Variants in THSD7A observed in about 807,000 individuals in gnomAD.
THSD7A encodes the protein thrombospondin type-1 domain-containing protein 7A.
Under a neutral mutation model 231.3 loss-of-function variants are expected in THSD7A, and 96 were observed. That is an observed-to-expected ratio of 0.41 (90% CI 0.35 to 0.49). The LOEUF (loss-of-function observed/expected upper bound fraction) is 0.49. THSD7A is among the 20% of genes least tolerant of loss of function. The probability of loss-of-function intolerance (pLI) is 0.05; values close to 1 mark genes in which losing one functional copy is unlikely to be tolerated. For synonymous variants in THSD7A, 940 were observed against 743.3 expected, an observed-to-expected ratio of 1.26 and a Z score of -4.30; for missense variants, 2,290 against 2,070.2, an observed-to-expected ratio of 1.11 and a Z score of -2.06.
At position 11,590,380 on chromosome 7, in the gene THSD7A, C is replaced by T. The variant is rs1471286147; in HGVS notation, c.1453+80G>A. ...AATGCAGCCCTCATAACCTGGATGG[C>T]TGTGTATATATCCCTTCAGAGCAAT... On this transcript the variant is annotated intron_variant, in intron 4 of 27. Coordinates refer to ENST00000423059, the MANE Select transcript of THSD7A (RefSeq NM_015204.3). This position sits in a 1 kb window ranked among gnomAD's most constrained non-coding sequence, Gnocchi z 4.4. 2.5e-5 allele frequency: 36 copies of T among 1,438,636 alleles called. No individual in the cohort carries two copies. Among genetic ancestry groups the T allele is most frequent in the Non-Finnish European group, 3.3e-5 (35 of 1,066,912 alleles). The allele number at this position is 1,438,636 out of a possible 1,614,324, so 89.1% of individuals were successfully genotyped here. A position where few individuals can be genotyped will look rare whatever the true frequency, so the allele number is the denominator to read the frequency against.
chr7:11,563,588 T>A (rs1206521975), intron 4 of THSD7A, among the ~76,000 whole-genome samples: 2 of 152,004 alleles, frequency 1.3e-5, no homozygotes, highest in Non-Finnish European at 2.9e-5. Context: ...TTTCAAACTC[T>A]TGACCTCAGG....
intron 1 of THSD7A, among the ~76,000 whole-genome samples, chr7:11,816,638 T>TA (rs1784712221): frequency 6.6e-6 from 1 of 152,214 alleles, no homozygotes; most frequent in Non-Finnish European, 1.5e-5. Flanking sequence ...CAAGGACTTT[T>TA]ATAATAGCTT....
At chr7:11,516,660 T>C (rs1788042646) in intron 6 of THSD7A, among the ~76,000 whole-genome samples, 1 of 152,210 alleles carries the variant, frequency 6.6e-6, no homozygotes, top group East Asian at 1.9e-4. Flanking sequence ...AAATTTGCTA[T>C]TTGCTAACAA....
intron 2 of THSD7A, among the ~76,000 whole-genome samples, chr7:11,625,475 C>T (rs1781446402): frequency 6.6e-6 from 1 of 151,970 alleles, no homozygotes; most frequent in Admixed American, 6.6e-5. Flanking sequence ...TCAGTGACCA[C>T]ATATTTGTAC....
intron 6 of THSD7A, among the ~76,000 whole-genome samples, chr7:11,517,171 C>T (rs1340547063): frequency 5.9e-5 from 9 of 152,200 alleles, no homozygotes; most frequent in Admixed American, 3.3e-4. Context: ...CTCCACCTCC[C>T]GGGTTCATGC....
intron 1 of THSD7A, among the ~76,000 whole-genome samples, chr7:11,663,337 T>C (rs2128374232): frequency 6.6e-6 from 1 of 151,628 alleles, no homozygotes; most frequent in East Asian, 1.9e-4. Flanking sequence ...AACTTTAATG[T>C]TCCTCCGTCT....
chr7:11,680,749 AGTGGGT>A (rs1455631973), intron 1 of THSD7A, among the ~76,000 whole-genome samples: 46 of 152,172 alleles, frequency 3.0e-4, no homozygotes, highest in Admixed American at 1.4e-3. Context: ...TTACAGTGTC[AGTGGGT>A]GTGTAAATTA....
At chr7:11,530,712 C>G (rs1038595421) in intron 6 of THSD7A, among the ~76,000 whole-genome samples, 1 of 152,078 alleles carries the variant, frequency 6.6e-6, no homozygotes, top group Admixed American at 6.6e-5. Context: ...CAAAAGGAAG[C>G]CAGTAAAAAA....
intron 6 of THSD7A, among the ~76,000 whole-genome samples, chr7:11,514,126 A>G (rs533262066): frequency 6.6e-6 from 1 of 152,174 alleles, no homozygotes; most frequent in East Asian, 1.9e-4. Context: ...CCCTGCTTAA[A>G]TATTCCACCT....
chr7:11,803,170 C>T (rs1784320901), intron 1 of THSD7A, among the ~76,000 whole-genome samples: 1 of 152,140 alleles, frequency 6.6e-6, no homozygotes, highest in African/African-American at 2.4e-5. Flanking sequence ...GCAGCATGTT[C>T]ATGGGCCTTG....
intron 2 of THSD7A, among the ~76,000 whole-genome samples, chr7:11,610,968 GA>G (rs1268042950): frequency 2.0e-5 from 3 of 152,052 alleles, no homozygotes; most frequent in Non-Finnish European, 4.4e-5. Context: ...ATGCCGAAGG[GA>G]TATTAACACA....
intron 1 of THSD7A, among the ~76,000 whole-genome samples, chr7:11,757,411 T>C (rs1782718815): frequency 6.6e-6 from 1 of 151,964 alleles, no homozygotes; most frequent in South Asian, 2.1e-4. Flanking sequence ...CAGAATACCT[T>C]TGTATACTTT....
At chr7:11,744,187 T>C (rs1782200479) in intron 1 of THSD7A, among the ~76,000 whole-genome samples, 1 of 151,846 alleles carries the variant, frequency 6.6e-6, no homozygotes, top group African/African-American at 2.4e-5. Context: ...CTAATGACAG[T>C]CTAGAAGGAG....
chr7:11,589,072 T>C lies in THSD7A; in HGVS notation c.1453+1388A>G, dbSNP rs150749935. Among the ~76,000 whole-genome samples the C allele has an allele frequency of 1.2e-3, 178 of 152,362 alleles. 3 individuals are homozygous for C. Among genetic ancestry groups the C allele is most frequent in the African/African-American group, 2.9e-3 (121 of 41,592 alleles). On this transcript the variant is annotated intron_variant, in intron 4 of 27. Transcript: ENST00000423059. ...AGGGGCAGAGAAGCCATCTCTTCTT[T>C]GGTTTTAAAAACATTCATTTCTCTT... is the stretch of plus-strand genomic sequence containing the variant.
At chr7:11,431,404 T>G (rs1224575612) in intron 13 of THSD7A, among the ~76,000 whole-genome samples, 4 of 152,156 alleles carry the variant, frequency 2.6e-5, no homozygotes, top group African/African-American at 9.7e-5. Context: ...CCAACTTCAT[T>G]CTTTTGCATG....
rs185167286 is a variant in THSD7A, at chr7:11,372,108, T to A, written c.*3686A>T. On this transcript the variant is annotated 3_prime_UTR_variant, in exon 28 of 28. Coordinates refer to ENST00000423059, the MANE Select transcript of THSD7A (RefSeq NM_015204.3). ...GCCCAGGAACTTAACAGGGGTCTGATTAAGCTACAATGACCACTGCCACCT... is the reference window on the plus strand; with the variant it reads ...GCCCAGGAACTTAACAGGGGTCTGAATAAGCTACAATGACCACTGCCACCT... 9 of 152,080 alleles carry A rather than the reference T, an allele frequency of 5.9e-5. No individual in the cohort carries two copies. Among genetic ancestry groups the A allele is most frequent in the Admixed American group, 4.6e-4 (7 of 15,234 alleles). The allele number at this position is 152,080 out of a possible 1,614,324, so 9.4% of individuals were successfully genotyped here.
At chr7:11,742,433 G>T (rs1782144537) in intron 1 of THSD7A, among the ~76,000 whole-genome samples, 1 of 151,698 alleles carries the variant, frequency 6.6e-6, no homozygotes, top group Non-Finnish European at 1.5e-5. Flanking sequence ...ACAATAAAGT[G>T]ATTTTTTGTT....
chr7:11,573,428 C>T (rs142743321), intron 4 of THSD7A, among the ~76,000 whole-genome samples: 3 of 152,322 alleles, frequency 2.0e-5, no homozygotes, highest in East Asian at 3.9e-4. Flanking sequence ...TGCTCAGCTA[C>T]ACCTGACACT....
At chr7:11,731,459 A>G (rs1781728906) in intron 1 of THSD7A, among the ~76,000 whole-genome samples, 1 of 151,694 alleles carries the variant, frequency 6.6e-6, no homozygotes, top group Non-Finnish European at 1.5e-5. Context: ...TAAGGGCTTT[A>G]ACTACTTCCA....
Sources: allele counts gnomAD v4.1 joint callset (sites outside exome capture counted in the v4.1 genomes callset), GRCh38; gene constraint gnomAD v4.1.1; non-coding constraint Gnocchi (gnomAD v3.1); transcripts MANE v1.5; gene names NCBI Gene and HGNC (gene_info 2026-07-23, HGNC 2026-07-21).